Variants in HDAC4 observed in about 807,000 individuals in gnomAD.
The protein encoded by HDAC4 is histone deacetylase 4.
In HDAC4, 16 loss-of-function variants were observed where a neutral mutation model predicts 135.1. The observed-to-expected ratio is 0.12, with a 90% CI of 0.08 to 0.18. The LOEUF is 0.18. Among genes scored for constraint, HDAC4 ranks in the 10% least tolerant of loss-of-function variants. The probability of loss-of-function intolerance (pLI) is 1.00; values close to 1 mark genes in which losing one functional copy is unlikely to be tolerated. For missense variants in HDAC4, 1,143 were observed against 1,511.8 expected (o/e 0.76, Z 4.05); for synonymous variants, 685 against 653.4 (o/e 1.05, Z -0.74).
intron 1 of HDAC4, among the ~76,000 whole-genome samples, chr2:239,353,780 T>C (rs1398534307): frequency 6.6e-6 from 1 of 152,162 alleles, no homozygotes; most frequent in Non-Finnish European, 1.5e-5. Flanking sequence ...GAAATAAATA[T>C]GAAATAAAAT....
chr2:239,178,968 G>C (rs2043956037), intron 4 of HDAC4, among the ~76,000 whole-genome samples: 1 of 151,744 alleles, frequency 6.6e-6, no homozygotes, highest in South Asian at 2.1e-4. Flanking sequence ...AGAGTGGGGA[G>C]TGCGTGCGAG....
intron 16 of HDAC4, among the ~76,000 whole-genome samples, chr2:239,097,502 G>A (rs1390468774): frequency 1.3e-5 from 2 of 152,210 alleles, no homozygotes; most frequent in East Asian, 1.9e-4. Flanking sequence ...AACACTTCTC[G>A]CCTGAACCTC....
In HDAC4 at chr2:239,249,778, GA is replaced by G. The variant is rs11396312; in HGVS notation, c.23-13115del. Among the ~76,000 whole-genome samples, 140 of 139,636 alleles carry G rather than the reference GA, an allele frequency of 1.0e-3. 2 individuals are homozygous for G. The highest frequency in any genetic ancestry group is 1.3e-3 in the Non-Finnish European group (84 of 62,506). 91.6% of individuals were successfully genotyped at this position (139,636 alleles called of 152,430 possible). ...TCATTCCTTTAGCTGAGCTATTAAA[GA>G]AAAAAAAAAAACAAGGAGCTGAATA... On this transcript the variant is annotated intron_variant, in intron 2 of 26. Transcript: ENST00000543185.
intron 24 of HDAC4, among the ~76,000 whole-genome samples, chr2:239,066,098 C>T (rs1476927387): frequency 1.3e-5 from 2 of 151,818 alleles, no homozygotes; most frequent in Admixed American, 6.5e-5. Context: ...CGGGCCCCAG[C>T]GTCATGCTGG....
At position 239,307,341 on chromosome 2, in the gene HDAC4, G is replaced by A. The variant is rs932426170; in HGVS notation, c.22+45337C>T. Among the ~76,000 whole-genome samples the A allele has an allele frequency of 6.6e-6, 1 of 152,118 alleles. No homozygotes were observed. Among genetic ancestry groups the A allele is most frequent in the Non-Finnish European group, 1.5e-5 (1 of 68,030 alleles). ...TTTAGAAGCAGAGAGCCGAGGAGCC[G>A]GAGGCCCCAACACAAGAGCGGCTCT... On this transcript the variant is annotated intron_variant, in intron 2 of 26. Transcript: ENST00000543185. The surrounding 1 kb of genome is among the most constrained non-coding windows in gnomAD (Gnocchi z 4.8).
Position 239,108,044 on chromosome 2 carries a change from C to T in HDAC4, c.2112+6G>A, listed in dbSNP as rs751730595. 26 of 1,610,572 alleles carry T rather than the reference C, an allele frequency of 1.6e-5. No individual in the cohort carries two copies. In the South Asian group the frequency reaches 1.8e-4, roughly 11 times the overall value. ...GCAGCTGCCCACCTGCCCCGGTCGG[C>T]GTTACCTCGCATTTGCCCCGGAGGC... is the stretch of plus-strand genomic sequence containing the variant. On this transcript the variant is annotated splice_donor_region_variant and intron_variant, in intron 15 of 26. Coordinates refer to ENST00000543185, the MANE Select transcript of HDAC4 (RefSeq NM_001378414.1).
chr2:239,297,457 AG>A (rs1201129911), intron 2 of HDAC4, among the ~76,000 whole-genome samples: 1 of 152,226 alleles, frequency 6.6e-6, no homozygotes, highest in Non-Finnish European at 1.5e-5. Context: ...GTGACAGCAT[AG>A]GGTTGAGACG....
chr2:239,221,168 T>C (rs617829), intron 3 of HDAC4, among the ~76,000 whole-genome samples: 88,707 of 152,024 alleles, frequency 0.58, 27,294 homozygotes, highest in South Asian at 0.79. Flanking sequence ...CAGATGGTAT[T>C]AGTGTTCTTG....
At chr2:239,127,335 G>A (rs1266934160) in intron 11 of HDAC4, among the ~76,000 whole-genome samples, 1 of 152,186 alleles carries the variant, frequency 6.6e-6, no homozygotes, top group Non-Finnish European at 1.5e-5. Context: ...CACCAACCCT[G>A]TATGTTTTGA....
intron 17 of HDAC4, among the ~76,000 whole-genome samples, chr2:239,092,097 G>C (rs2036572574): frequency 6.6e-6 from 1 of 152,082 alleles, no homozygotes; most frequent in Admixed American, 6.6e-5. Flanking sequence ...AAATTAGCCA[G>C]ATGTGGTGGC....
At chr2:239,130,646 C>T (rs2040511880) in intron 11 of HDAC4, among the ~76,000 whole-genome samples, 1 of 152,168 alleles carries the variant, frequency 6.6e-6, no homozygotes, top group Admixed American at 6.5e-5. Context: ...CCACCTGTGC[C>T]CTTCCCTCTC....
intron 3 of HDAC4, among the ~76,000 whole-genome samples, chr2:239,223,244 A>C (rs780251056): frequency 6.6e-6 from 1 of 152,214 alleles, no homozygotes; most frequent in African/African-American, 2.4e-5. Context: ...TAACAGTTGA[A>C]ATATTTAAAA....
At chr2:239,209,815 C>A (rs1366972717) in intron 3 of HDAC4, among the ~76,000 whole-genome samples, 1 of 152,126 alleles carries the variant, frequency 6.6e-6, no homozygotes, top group Non-Finnish European at 1.5e-5. Context: ...GGAGAGAATT[C>A]CAAAGAACAG....
At chr2:239,334,789 G>A (rs1257132201) in intron 2 of HDAC4, among the ~76,000 whole-genome samples, 10 of 152,092 alleles carry the variant, frequency 6.6e-5, no homozygotes, top group South Asian at 2.1e-4. Context: ...TTGGGAGGCC[G>A]AGGCAGGTGG....
At chr2:239,191,118 G>C (rs1003025699) in intron 3 of HDAC4, 6 of 417,334 alleles carry the variant, frequency 1.4e-5, no homozygotes, top group Non-Finnish European at 3.0e-5. Flanking sequence ...CCACCCCTCA[G>C]AAAGCTCCCC....
At chr2:239,072,557 C>T (rs999437221) in intron 22 of HDAC4, among the ~76,000 whole-genome samples, 2 of 152,220 alleles carry the variant, frequency 1.3e-5, no homozygotes, top group South Asian at 2.1e-4. Flanking sequence ...ACCCGATGGG[C>T]GCCTCCCTTC....
intron 7 of HDAC4, among the ~76,000 whole-genome samples, chr2:239,150,783 A>G (rs200381566): frequency 4.7e-5 from 7 of 149,910 alleles, no homozygotes; most frequent in South Asian, 2.1e-4. Context: ...AAGTCTCACT[A>G]CGCTGCACCT....
At chr2:239,389,606 G>T (rs1222291908) in intron 1 of HDAC4, among the ~76,000 whole-genome samples, 4 of 152,152 alleles carry the variant, frequency 2.6e-5, no homozygotes, top group African/African-American at 9.7e-5. Context: ...CCCGCTAAGG[G>T]ATTCTGAGGC....
Position 239,297,480 on chromosome 2 carries a change from G to A in HDAC4, c.22+55198C>T, listed in dbSNP as rs368239856. 1.8e-4 allele frequency among the ~76,000 whole-genome samples: 27 copies of A among 152,364 alleles called. No homozygotes were observed. In the South Asian group the frequency reaches 4.8e-3, roughly 27 times the overall value. On this transcript the variant is annotated intron_variant, in intron 2 of 26. Coordinates refer to ENST00000543185, the MANE Select transcript of HDAC4 (RefSeq NM_001378414.1). The stretch of plus-strand genomic sequence containing the variant: ...ATAGGGTTGAGACGGGGTTGCAGAG[G>A]TCAAGTCCAGACTCTGCGGCTCCCT...
Sources: gnomAD v4.1 joint callset for allele counts (sites outside exome capture counted in the v4.1 genomes callset) on GRCh38, gnomAD v4.1.1 for gene constraint, Gnocchi (gnomAD v3.1) non-coding constraint, MANE v1.5 for transcripts, NCBI Gene and HGNC (gene_info 2026-07-23, HGNC 2026-07-21) for gene names.